The following PPP2R5E variants were observed in gnomAD, a reference collection of about 807,000 sequenced individuals.
PPP2R5E encodes protein phosphatase 2 regulatory subunit B'epsilon.
PPP2R5E carries 4 observed loss-of-function variants against 65.3 expected under a neutral mutation model. The observed-to-expected ratio is 0.06, with a 90% confidence interval of 0.03 to 0.14. The LOEUF is 0.14. PPP2R5E is among the 10% of genes least tolerant of loss of function. The pLI is 1.00. For missense variants in PPP2R5E, 274 were observed against 556.1 expected (o/e 0.49, Z 5.10); for synonymous variants, 183 against 187.4 (o/e 0.98, Z 0.19).
intron 2 of PPP2R5E, among the ~76,000 whole-genome samples, chr14:63,504,915 A>G (rs1434623017): frequency 2.0e-5 from 3 of 152,356 alleles, no homozygotes; most frequent in African/African-American, 7.2e-5. Context: ...GTTCACATAA[A>G]TATGTCTTGC....
intron 2 of PPP2R5E, among the ~76,000 whole-genome samples, chr14:63,526,526 TTCTCTC>T (rs1158730464): frequency 2.7e-5 from 4 of 150,938 alleles, no homozygotes; most frequent in South Asian, 2.1e-4. Flanking sequence ...CTCTTTCTCT[TTCTCTC>T]TCTCTCTCTC....
chr14:63,522,536 G>C (rs1168536623), intron 2 of PPP2R5E, among the ~76,000 whole-genome samples: 2 of 151,610 alleles, frequency 1.3e-5, no homozygotes, highest in Non-Finnish European at 2.9e-5. Flanking sequence ...TCTAGGAAGT[G>C]AGGAGCGTCT....
chr14:63,384,708 C>A, intron 11 of PPP2R5E, 137 bp from the exon 12 acceptor site: 2 of 659,448 alleles, frequency 3.0e-6, no homozygotes, highest in Non-Finnish European at 2.4e-6. Context: ...AAATATTAAT[C>A]ACATTTTAAT....
chr14:63,460,629 G>C (rs1333250343), intron 2 of PPP2R5E, among the ~76,000 whole-genome samples: 2 of 152,138 alleles, frequency 1.3e-5, no homozygotes, highest in Non-Finnish European at 2.9e-5. Context: ...TTAAGTTTTA[G>C]ATAATAATAA....
intron 3 of PPP2R5E, among the ~76,000 whole-genome samples, chr14:63,449,345 T>A (rs1383401577): frequency 6.6e-6 from 1 of 152,226 alleles, no homozygotes; most frequent in Non-Finnish European, 1.5e-5. Context: ...GTTCCACCAA[T>A]GATCGTAAAA....
intron 2 of PPP2R5E, 28 bp downstream of exon 2, chr14:63,539,501 G>A (rs1013257312): frequency 6.3e-7 from 1 of 1,594,034 alleles, no homozygotes; most frequent in Non-Finnish European, 8.5e-7. Context: ...AATTGAAAAA[G>A]AATGCATCAC....
At chr14:63,474,932 A>G (rs1256775396) in intron 2 of PPP2R5E, among the ~76,000 whole-genome samples, 2 of 152,150 alleles carry the variant, frequency 1.3e-5, no homozygotes, top group Non-Finnish European at 2.9e-5. Context: ...ATGAGAAGAA[A>G]CAGCCAGAGG....
intron 2 of PPP2R5E, among the ~76,000 whole-genome samples, chr14:63,502,096 T>C (rs981585993): frequency 6.6e-6 from 1 of 152,096 alleles, no homozygotes; most frequent in Admixed American, 6.6e-5. Context: ...GGTTTCACCA[T>C]GTAGGCCAAG....
At chr14:63,499,635 G>C (rs111399857) in intron 2 of PPP2R5E, among the ~76,000 whole-genome samples, 1 of 151,938 alleles carries the variant, frequency 6.6e-6, no homozygotes, top group African/African-American at 2.4e-5. Context: ...GCTGAAGCAG[G>C]AGAATCACTT....
intron 2 of PPP2R5E, among the ~76,000 whole-genome samples, chr14:63,465,375 A>G (rs149927528): frequency 6.8e-6 from 1 of 147,590 alleles, no homozygotes; most frequent in Non-Finnish European, 1.5e-5. Flanking sequence ...GCACTTTGGA[A>G]GGCTGAGGCA....
intron 2 of PPP2R5E, among the ~76,000 whole-genome samples, chr14:63,520,683 G>A (rs1417371725): frequency 6.6e-6 from 1 of 151,948 alleles, no homozygotes; most frequent in East Asian, 1.9e-4. Flanking sequence ...GTCCTAGGCG[G>A]ACTCCTTTCA....
intron 3 of PPP2R5E, among the ~76,000 whole-genome samples, chr14:63,447,793 G>A (rs530018272): frequency 6.6e-6 from 1 of 152,004 alleles, no homozygotes; most frequent in Non-Finnish European, 1.5e-5. Context: ...AGAGACATGT[G>A]ACTCTTCCTT....
chr14:63,379,826 C>CTCTCTCTTTTTT (rs528081976), intron 13 of PPP2R5E, among the ~76,000 whole-genome samples: 3 of 100,300 alleles, frequency 3.0e-5, no homozygotes, highest in African/African-American at 1.6e-4. Flanking sequence ...TATTCTCTCT[C>CTCTCTCTTTTTT]TTTTTTTTTT....
At chr14:63,532,957 A>C (rs1893497768) in intron 2 of PPP2R5E, among the ~76,000 whole-genome samples, 1 of 152,188 alleles carries the variant, frequency 6.6e-6, no homozygotes, top group African/African-American at 2.4e-5. Flanking sequence ...TCAGCCTTCC[A>C]AGTACCTAGG....
intron 11 of PPP2R5E, 49 bp from the exon 12 acceptor site, chr14:63,384,620 TAAAAC>T (rs1458408561): frequency 2.7e-6 from 4 of 1,473,328 alleles, no homozygotes; most frequent in Non-Finnish European, 1.8e-6. Flanking sequence ...AAGACAAAGA[TAAAAC>T]AAAATTATAA....
intron 2 of PPP2R5E, among the ~76,000 whole-genome samples, chr14:63,469,302 G>T (rs1308432502): frequency 6.6e-6 from 1 of 151,772 alleles, no homozygotes; most frequent in African/African-American, 2.4e-5. Context: ...TATTATAAGG[G>T]CATATGTTGT....
At chr14:63,470,097 G>C (rs1010221185) in intron 2 of PPP2R5E, among the ~76,000 whole-genome samples, 1 of 151,580 alleles carries the variant, frequency 6.6e-6, no homozygotes, top group Non-Finnish European at 1.5e-5. Context: ...TTTGAGACAA[G>C]GTCTCACTCT....
chr14:63,515,599 C>T (rs1405316606), intron 2 of PPP2R5E, among the ~76,000 whole-genome samples: 1 of 151,966 alleles, frequency 6.6e-6, no homozygotes, highest in Non-Finnish European at 1.5e-5. Flanking sequence ...TGGCTCACTG[C>T]AACCTCCGCC....
chr14:63,438,744 A>T (rs982981281), intron 3 of PPP2R5E, among the ~76,000 whole-genome samples: 2 of 152,256 alleles, frequency 1.3e-5, no homozygotes, highest in East Asian at 3.8e-4. Context: ...CGAGTAGCTC[A>T]GTGGCTTCCT....
Sources: allele counts gnomAD v4.1 joint callset (sites outside exome capture counted in the v4.1 genomes callset), GRCh38; gene constraint gnomAD v4.1.1; transcripts MANE v1.5; gene names NCBI Gene and HGNC (gene_info 2026-07-23, HGNC 2026-07-21).